Variants in GAREM1 observed in about 807,000 individuals in gnomAD.
The protein encoded by GAREM1 is GRB2 associated regulator of MAPK1 subtype 1, also known as GRB2-associated and regulator of MAPK protein 1.
A neutral mutation model predicts 71.3 loss-of-function variants in GAREM1; 26 were observed. The observed-to-expected ratio is 0.36, with a 90% CI of 0.27 to 0.51. GAREM1 has a LOEUF of 0.51. Ranked by LOEUF, GAREM1 falls within the 20% of genes least tolerant of loss-of-function variation. GAREM1 has a pLI of 0.95. For synonymous variants in GAREM1, 440 were observed against 433.2 expected (o/e 1.02, Z -0.20); for missense variants, 1,026 against 1,103.1 (o/e 0.93, Z 0.99).
At chr18:32,406,098 T>TA (rs1402496598) in intron 1 of GAREM1, among the ~76,000 whole-genome samples, 3 of 152,204 alleles carry the variant, frequency 2.0e-5, no homozygotes, top group African/African-American at 7.2e-5. Flanking sequence ...TAGCTTAGGC[T>TA]AAAAAACTCC....
At chr18:32,309,471 C>T (rs768240380) in intron 3 of GAREM1, among the ~76,000 whole-genome samples, 4 of 133,762 alleles carry the variant, frequency 3.0e-5, no homozygotes, top group Non-Finnish European at 5.0e-5. Context: ...AAAAAAATAG[C>T]TGGGCGTGGC....
chr18:32,457,226 AGTGTGTGT>A (rs566379367), intron 1 of GAREM1, among the ~76,000 whole-genome samples: 5 of 81,926 alleles, frequency 6.1e-5, no homozygotes, highest in African/African-American at 8.4e-5. Context: ...AGAGAGAGAG[AGTGTGTGT>A]GTGTGTGTGT....
chr18:32,455,731 A>C (rs963689143), intron 1 of GAREM1, among the ~76,000 whole-genome samples: 2 of 152,200 alleles, frequency 1.3e-5, no homozygotes, highest in Non-Finnish European at 2.9e-5. Context: ...TTGGAGAAGA[A>C]GGATAAGTCA....
At chr18:32,298,293 C>A (rs1406685357) in intron 3 of GAREM1, among the ~76,000 whole-genome samples, 2 of 152,196 alleles carry the variant, frequency 1.3e-5, no homozygotes, top group African/African-American at 4.8e-5. Context: ...TTTGTGGTCA[C>A]TGCCAGTGAC....
At chr18:32,318,769 C>A (rs1448476989) in intron 2 of GAREM1, among the ~76,000 whole-genome samples, 1 of 152,194 alleles carries the variant, frequency 6.6e-6, no homozygotes, top group Non-Finnish European at 1.5e-5. Flanking sequence ...GGAATGACAG[C>A]TGAGGCCCAC....
chr18:32,399,764 T>G (rs929340240), intron 1 of GAREM1, among the ~76,000 whole-genome samples: 6 of 152,142 alleles, frequency 3.9e-5, no homozygotes, highest in African/African-American at 1.4e-4. Context: ...AATTTATAGA[T>G]TCAATGCCAT....
chr18:32,449,191 T>C (rs796558383), intron 1 of GAREM1, among the ~76,000 whole-genome samples: 20 of 152,300 alleles, frequency 1.3e-4, no homozygotes, highest in African/African-American at 4.3e-4. Flanking sequence ...ATGTAAAGTG[T>C]TGTACAGCAG....
intron 1 of GAREM1, among the ~76,000 whole-genome samples, chr18:32,433,726 T>C (rs1163364030): frequency 1.3e-5 from 2 of 152,068 alleles, no homozygotes; most frequent in East Asian, 1.9e-4. Context: ...AAAAAAAGTA[T>C]AAATCTAATA....
chr18:32,413,033 A>C, intron 1 of GAREM1: 1 of 1,599,634 alleles, frequency 6.3e-7, no homozygotes, highest in East Asian at 2.2e-5. Context: ...TGGTGTTTGG[A>C]TCTCTCATTA....
intron 1 of GAREM1, among the ~76,000 whole-genome samples, chr18:32,405,291 C>T (rs1367320296): frequency 2.6e-5 from 4 of 152,074 alleles, no homozygotes; most frequent in African/African-American, 9.7e-5. Flanking sequence ...CTCCGCCTCC[C>T]GGGTTCAAGT....
intron 1 of GAREM1, among the ~76,000 whole-genome samples, chr18:32,399,161 G>A (rs141076544): frequency 7.9e-5 from 12 of 152,226 alleles, no homozygotes; most frequent in African/African-American, 2.6e-4. Context: ...GGTATTGATG[G>A]GAAGTGTCTC....
chr18:32,360,757 T>A (rs1318417818), intron 2 of GAREM1, among the ~76,000 whole-genome samples: 1 of 152,170 alleles, frequency 6.6e-6, no homozygotes, highest in Non-Finnish European at 1.5e-5. Context: ...GAAATTTCCA[T>A]AACTTATTCC....
chr18:32,430,786 T>C (rs1327684957), intron 1 of GAREM1, among the ~76,000 whole-genome samples: 1 of 152,218 alleles, frequency 6.6e-6, no homozygotes, highest in Non-Finnish European at 1.5e-5. Context: ...GAAACTGTGG[T>C]TCCAAGAGTA....
intron 2 of GAREM1, among the ~76,000 whole-genome samples, chr18:32,363,987 CATATATACATATATATATATATAT>C (rs2144614368): frequency 3.7e-5 from 1 of 27,092 alleles, no homozygotes; most frequent in South Asian, 1.4e-3. Context: ...TACATAAATA[CATATATACATATATATATATATAT>C]ATATATATAT....
In GAREM1 at chr18:32,464,767, C is replaced by T. The variant is rs562391915; in HGVS notation, c.121+5541G>A. 4.8e-4 allele frequency among the ~76,000 whole-genome samples: 62 copies of T among 129,930 alleles called. 1 individual carries two copies. In the South Asian group the frequency reaches 0.013, roughly 28 times the overall value. 85.2% of individuals were successfully genotyped at this position (129,930 alleles called of 152,430 possible). A position where few individuals can be genotyped will look rare whatever the true frequency, so the allele number is the denominator to read the frequency against. ...ACTCTGAAGCCTCCCTCAACTGATC[C>T]GTATCTACTACAGCCATCTCACACA... On this transcript the variant is annotated intron_variant, in intron 1 of 5. Transcript: ENST00000269209.
At chr18:32,459,400 T>A (rs1391840888) in intron 1 of GAREM1, among the ~76,000 whole-genome samples, 2 of 152,028 alleles carry the variant, frequency 1.3e-5, no homozygotes, top group African/African-American at 4.8e-5. Context: ...GATGAGGCTG[T>A]GAAGATTCCC....
intron 1 of GAREM1, among the ~76,000 whole-genome samples, chr18:32,411,914 T>G (rs1375923252): frequency 6.6e-6 from 1 of 151,802 alleles, no homozygotes; most frequent in African/African-American, 2.4e-5. Flanking sequence ...ACGATCAGAC[T>G]ATTACATTTA....
intron 2 of GAREM1, among the ~76,000 whole-genome samples, chr18:32,370,971 T>C (rs946716317): frequency 6.6e-6 from 1 of 152,144 alleles, no homozygotes; most frequent in African/African-American, 2.4e-5. Context: ...AAAGAAATTG[T>C]AGATGACCTC....
At chr18:32,376,511 T>C (rs1037753) in intron 2 of GAREM1, among the ~76,000 whole-genome samples, 59,236 of 152,120 alleles carry the variant, frequency 0.39, 14,592 homozygotes, top group African/African-American at 0.7. Context: ...TGTTTAAAAT[T>C]GAATTTCCTT....
Sources: allele counts gnomAD v4.1 joint callset (sites outside exome capture counted in the v4.1 genomes callset), GRCh38; gene constraint gnomAD v4.1.1; transcripts MANE v1.5; gene names NCBI Gene and HGNC (gene_info 2026-07-23, HGNC 2026-07-21).